Variants in PPM1K observed in about 807,000 individuals in gnomAD.
The protein encoded by PPM1K is protein phosphatase, Mg2+/Mn2+ dependent 1K, also known as protein phosphatase Mn(2+)-dependent 1K.
A neutral mutation model predicts 32.6 loss-of-function variants in PPM1K; 19 were observed. That is an observed-to-expected ratio of 0.58 (90% CI 0.41 to 0.86). PPM1K has a LOEUF of 0.86. Ranked by LOEUF, PPM1K falls within the 40% of genes least tolerant of loss-of-function variation. The pLI, the probability that PPM1K is intolerant of heterozygous loss-of-function variation, is 0.00. For synonymous variants in PPM1K, 159 were observed against 165.3 expected (o/e 0.96, Z 0.29); for missense variants, 362 against 461.2 (o/e 0.78, Z 1.97).
chr4:88,275,001 A>G (rs990109281), intron 3 of PPM1K: 1 of 629,740 alleles, frequency 1.6e-6, no homozygotes, highest in Non-Finnish European at 2.0e-6. Flanking sequence ...ATTATAATAG[A>G]CCTTTTCTTT....
intron 3 of PPM1K, chr4:88,276,850 T>G (rs1731785271): frequency 2.9e-5 from 30 of 1,025,658 alleles, no homozygotes; most frequent in Non-Finnish European, 3.4e-5. Context: ...AGCAAACAGA[T>G]TAAACATTTT....
chr4:88,257,759 T>C lies in PPM1K; in HGVS notation c.*4836A>G, dbSNP rs1412017398. ...TTACATTAACTCACTGCAGGAGTCA[T>C]TATACACTCAGGTAGTACTTTGGTA... is the stretch of plus-strand genomic sequence containing the variant. On this transcript the variant is annotated 3_prime_UTR_variant, in exon 7 of 7. Coordinates refer to ENST00000608933, the MANE Select transcript of PPM1K (RefSeq NM_152542.5). 1 of 152,212 alleles carries C rather than the reference T, an allele frequency of 6.6e-6. No homozygotes were observed. The highest frequency in any genetic ancestry group is 1.5e-5 in the Non-Finnish European group (1 of 68,030). The allele number at this position is 152,212 out of a possible 1,614,324, so 9.4% of individuals were successfully genotyped here.
chr4:88,270,903 T>C (rs896618361), intron 3 of PPM1K: 8 of 286,458 alleles, frequency 2.8e-5, no homozygotes, highest in African/African-American at 1.6e-4. Context: ...GCATTCATTT[T>C]CATTTAACAT....
chr4:88,280,131 G>C (rs1246144748), intron 1 of PPM1K, among the ~76,000 whole-genome samples: 1 of 152,038 alleles, frequency 6.6e-6, no homozygotes, highest in African/African-American at 2.4e-5. Context: ...TGTAGATATG[G>C]GTTCTCACTT....
intron 3 of PPM1K, among the ~76,000 whole-genome samples, chr4:88,274,146 G>C (rs1003667736): frequency 6.6e-6 from 1 of 152,118 alleles, no homozygotes; most frequent in African/African-American, 2.4e-5. Context: ...CAAGTATTAC[G>C]CCAGACGAGC....
chr4:88,282,913 T>C (rs540473621), intron 1 of PPM1K, among the ~76,000 whole-genome samples: 1 of 152,334 alleles, frequency 6.6e-6, no homozygotes, highest in East Asian at 1.9e-4. Context: ...CTCTCCTCTC[T>C]TCTTTCCTCG....
At chr4:88,268,415 G>A (rs1189181919) in intron 4 of PPM1K, 81 bp from the exon 5 acceptor site, 2 of 1,482,650 alleles carry the variant, frequency 1.3e-6, no homozygotes, top group Non-Finnish European at 1.9e-6. Context: ...GAGGTCAGGA[G>A]ATCGAGACCA....
chr4:88,263,887 T>C (rs187439616), intron 6 of PPM1K, among the ~76,000 whole-genome samples: 54 of 152,268 alleles, frequency 3.5e-4, no homozygotes, highest in Non-Finnish European at 6.2e-4. Context: ...TATGCACAAA[T>C]AGACATCAGA....
intron 1 of PPM1K, chr4:88,279,177 A>T (rs1731911669): frequency 6.6e-6 from 1 of 152,348 alleles, no homozygotes; most frequent in Non-Finnish European, 1.5e-5. Context: ...TATTAACAAT[A>T]GCAACAAAGT....
chr4:88,268,514 A>G (rs1020837100), intron 4 of PPM1K, among the ~76,000 whole-genome samples, 180 bp from the exon 5 acceptor site: 4 of 152,150 alleles, frequency 2.6e-5, no homozygotes, highest in African/African-American at 7.2e-5. Flanking sequence ...CCAGCTACTC[A>G]GGAGGCTGAA....
rs1731923920 is a variant in PPM1K at position 88,279,484 on chromosome 4, C to T, written c.-59-842G>A. The T allele has an allele frequency of 2.0e-5, 3 of 152,314 alleles. No homozygotes were observed. The South Asian group carries it at 6.2e-4, about 32-fold the overall frequency. The allele number at this position is 152,314 out of a possible 1,614,324, so 9.4% of individuals were successfully genotyped here. A position where few individuals can be genotyped will look rare whatever the true frequency, so the allele number is the denominator to read the frequency against. On this transcript the variant is annotated intron_variant, in intron 1 of 6. Coordinates refer to ENST00000608933, the MANE Select transcript of PPM1K (RefSeq NM_152542.5). Reference sequence around the variant, plus strand: ...GCAGCACTGCATTTGTGACAAGCAGCCCTGATTTCTGAACGAGTGATCTAT... The same window carrying T: ...GCAGCACTGCATTTGTGACAAGCAGTCCTGATTTCTGAACGAGTGATCTAT...
Position 88,262,724 on chromosome 4 carries a change from T to G in PPM1K, c.990A>C (p.Ala330=), listed in dbSNP as rs749827843. The G allele has an allele frequency of 1.3e-6, 2 of 1,599,694 alleles. No individual in the cohort carries two copies. The highest frequency in any genetic ancestry group is 1.8e-5 in the Admixed American group (1 of 57,102). The change falls in exon 7 of 7, where the codon GCA becomes GCC. Residue 330 remains alanine (A), a splice_region_variant and synonymous_variant. Transcript: ENST00000608933. The part of the protein sequence containing the change: ...NEAAHAVTEQ[A]IQYGTEDNST... The stretch of plus-strand genomic sequence containing the variant: ...TGTTATCCTCAGTACCGTACTGTAT[T>G]GCCTGCAAGGTTTGGCAGGAAGAAA...
At chr4:88,267,077 A>C (rs868037742) in intron 5 of PPM1K, among the ~76,000 whole-genome samples, 2 of 123,742 alleles carry the variant, frequency 1.6e-5, no homozygotes, top group South Asian at 2.7e-4. Flanking sequence ...GGTGCAGGTG[A>C]TGCTGATTGG....
rs568805948 is a variant in PPM1K, at chr4:88,258,520, C to T, written c.*4075G>A. The T allele has an allele frequency of 6.6e-6, 1 of 151,906 alleles. No homozygotes were observed. Among genetic ancestry groups the T allele is most frequent in the African/African-American group, 2.4e-5 (1 of 41,382 alleles). The allele number at this position is 151,906 out of a possible 1,614,324, so 9.4% of individuals were successfully genotyped here. On this transcript the variant is annotated 3_prime_UTR_variant, in exon 7 of 7. Transcript: ENST00000608933. ...GCATGCACGAGTAGTCCCAGCTACT[C>T]CAGAGGCTGAGGCAGGAGAATCGCT... is the stretch of plus-strand genomic sequence containing the variant.
intron 3 of PPM1K, chr4:88,271,070 G>A (rs1359689821): frequency 1.9e-6 from 1 of 518,766 alleles, no homozygotes; most frequent in Non-Finnish European, 3.8e-6. Flanking sequence ...CGTAGTCCAG[G>A]ATAGGAACCG....
rs779464044 is a variant in PPM1K at position 88,265,028 on chromosome 4, G to A, written c.960C>T (p.Asn320=). ...GTTCAGTCACCGCATGGGCTGCTTC[G>A]TTGGGATCATGGCACTGATTGACAA... The part of the protein sequence containing the change: ...CDFVNQCHDP[N]EAAHAVTEQA... The change falls in exon 6 of 7, where the codon AAC becomes AAT. Residue 320 remains asparagine (N), a synonymous_variant. Coordinates refer to ENST00000608933, the MANE Select transcript of PPM1K (RefSeq NM_152542.5). 3.6e-5 allele frequency: 58 copies of A among 1,614,000 alleles called. No homozygotes were observed. Among genetic ancestry groups the A allele is most frequent in the Admixed American group, 1.8e-4 (11 of 59,992 alleles).
In PPM1K at chr4:88,282,921, TC is replaced by T. The variant is rs1472550331; in HGVS notation, c.-60+1484del. Among the ~76,000 whole-genome samples the T allele has an allele frequency of 1.1e-4, 16 of 152,348 alleles. No individual in the cohort carries two copies. In the South Asian group the frequency reaches 3.1e-3, roughly 30 times the overall value. ...CCAGCCACTCTCCTCTCTTCTTTCC[TC>T]GTCTCTAAGGATTGCAGTCAAGGAA... On this transcript the variant is annotated intron_variant, in intron 1 of 6. Coordinates refer to ENST00000608933, the MANE Select transcript of PPM1K (RefSeq NM_152542.5).
chr4:88,277,066 C>A, intron 3 of PPM1K, 77 bp downstream of exon 3: 1 of 1,124,460 alleles, frequency 8.9e-7, no homozygotes, highest in South Asian at 1.3e-5. Flanking sequence ...CCCCAAAGGA[C>A]TTAAAGTGTT....
chr4:88,263,559 C>T (rs1356427315), intron 6 of PPM1K, among the ~76,000 whole-genome samples: 1 of 152,140 alleles, frequency 6.6e-6, no homozygotes, highest in Non-Finnish European at 1.5e-5. Context: ...CTACCTTAGC[C>T]TTCTAAGTAG....
Sources: gnomAD v4.1 joint callset for allele counts (sites outside exome capture counted in the v4.1 genomes callset) on GRCh38, gnomAD v4.1.1 for gene constraint, MANE v1.5 for transcripts, NCBI Gene and HGNC (gene_info 2026-07-23, HGNC 2026-07-21) for gene names.